KCNIP4: variants seen among roughly 807,000 people sequenced by gnomAD.
The protein encoded by KCNIP4 is potassium voltage-gated channel interacting protein 4.
A neutral mutation model predicts 34.0 loss-of-function variants in KCNIP4; 12 were observed. The observed-to-expected ratio is 0.35, with a 90% confidence interval of 0.23 to 0.57. The LOEUF is 0.57. Among genes scored for constraint, KCNIP4 ranks in the 20% least tolerant of loss-of-function variants. The pLI is 0.83. For missense variants in KCNIP4, 238 were observed against 311.7 expected (o/e 0.76, Z 1.78); for synonymous variants, 124 against 102.2 (o/e 1.21, Z -1.29).
intron 1 of KCNIP4, among the ~76,000 whole-genome samples, chr4:21,772,181 CAT>C (rs1482093879): frequency 1.3e-5 from 2 of 152,064 alleles, no homozygotes; most frequent in East Asian, 3.9e-4. Context: ...TTGAGATAAT[CAT>C]GTGGTTTTTG....
chr4:21,400,567 TCTCTTCTCTTC>T (rs1723461273), intron 1 of KCNIP4, among the ~76,000 whole-genome samples: 1 of 76,700 alleles, frequency 1.3e-5, no homozygotes, highest in Non-Finnish European at 3.1e-5. Flanking sequence ...TCTCTTCTCT[TCTCTTCTCTTC>T]GTTCTTTCTT....
At chr4:21,076,556 A>C (rs1478504312) in intron 1 of KCNIP4, among the ~76,000 whole-genome samples, 1 of 152,186 alleles carries the variant, frequency 6.6e-6, no homozygotes, top group Non-Finnish European at 1.5e-5. Flanking sequence ...ATTATACTCA[A>C]TAAAAATTGT....
At chr4:20,807,164 T>C (rs1001721165) in intron 3 of KCNIP4, among the ~76,000 whole-genome samples, 1 of 152,202 alleles carries the variant, frequency 6.6e-6, no homozygotes, top group African/African-American at 2.4e-5. Context: ...ATGACATTTA[T>C]GACATTTGGC....
chr4:20,930,426 GA>G (rs1730340649), intron 1 of KCNIP4, among the ~76,000 whole-genome samples: 1 of 152,070 alleles, frequency 6.6e-6, no homozygotes, highest in African/African-American at 2.4e-5. Context: ...AACATAGGGG[GA>G]AAAATTCCTT....
In KCNIP4 at chr4:21,747,920, A is replaced by G. The variant is rs148822666; in HGVS notation, c.61+200651T>C. 8.7e-3 allele frequency among the ~76,000 whole-genome samples: 1,327 copies of G among 152,240 alleles called. 19 individuals are homozygous for G. The highest frequency in any genetic ancestry group is 0.039 in the South Asian group (187 of 4,814). On this transcript the variant is annotated intron_variant, in intron 1 of 8. Transcript: ENST00000382152. ...ACGCAAAAAAGGACACACAGAGAAG[A>G]AGCCATGTGGAGTCAGAGGCTAAGG...
At chr4:21,697,348 A>T in intron 1 of KCNIP4, 1 of 1,470,452 alleles carries the variant, frequency 6.8e-7, no homozygotes, top group Non-Finnish European at 8.9e-7. Flanking sequence ...AAAAGTCATT[A>T]CCTGTATGAA....
intron 1 of KCNIP4, among the ~76,000 whole-genome samples, chr4:21,156,660 CTAAG>C (rs1370789719): frequency 2.0e-5 from 3 of 152,244 alleles, no homozygotes; most frequent in African/African-American, 7.2e-5. Flanking sequence ...GCCTAAGACA[CTAAG>C]TAATAGAGCT....
chr4:21,554,979 C>T (rs528205734), intron 1 of KCNIP4, among the ~76,000 whole-genome samples: 3 of 152,176 alleles, frequency 2.0e-5, no homozygotes, highest in South Asian at 4.1e-4. Context: ...TTTAAATAAA[C>T]ATAGACTTTT....
At chr4:21,376,111 G>A (rs1194492648) in intron 1 of KCNIP4, among the ~76,000 whole-genome samples, 1 of 152,158 alleles carries the variant, frequency 6.6e-6, no homozygotes, top group African/African-American at 2.4e-5. Flanking sequence ...GAAAAGCACA[G>A]AAATATCTTC....
chr4:21,044,761 A>T (rs2149784227), intron 1 of KCNIP4, among the ~76,000 whole-genome samples: 1 of 152,162 alleles, frequency 6.6e-6, no homozygotes, highest in Admixed American at 6.5e-5. Flanking sequence ...TCTCATTCCC[A>T]TCTTTCTCTA....
At chr4:21,371,520 T>C (rs1036223544) in intron 1 of KCNIP4, among the ~76,000 whole-genome samples, 1 of 146,914 alleles carries the variant, frequency 6.8e-6, no homozygotes, top group Non-Finnish European at 1.5e-5. Context: ...CCCTAATTTC[T>C]TGCTATCTAA....
intron 1 of KCNIP4, among the ~76,000 whole-genome samples, chr4:20,913,931 G>A (rs934859977): frequency 9.9e-5 from 15 of 152,032 alleles, no homozygotes; most frequent in East Asian, 5.8e-4. Context: ...CAAGGTGGGC[G>A]GATCACCTGA....
intron 1 of KCNIP4, among the ~76,000 whole-genome samples, chr4:20,904,314 T>A (rs1727488741): frequency 7.1e-6 from 1 of 141,814 alleles, no homozygotes; most frequent in Non-Finnish European, 1.6e-5. Flanking sequence ...AAACTATATA[T>A]ATGTATGTGT....
intron 1 of KCNIP4, among the ~76,000 whole-genome samples, chr4:21,277,993 TAA>T (rs1762539910): frequency 6.6e-6 from 1 of 152,150 alleles, no homozygotes; most frequent in Non-Finnish European, 1.5e-5. Context: ...AGTAAAGCTT[TAA>T]AAAATCGGAA....
chr4:21,618,995 G>A (rs1744815293), intron 1 of KCNIP4, among the ~76,000 whole-genome samples: 1 of 151,962 alleles, frequency 6.6e-6, no homozygotes, highest in Non-Finnish European at 1.5e-5. Context: ...ACCAAATAGT[G>A]AGTTACTTGA....
chr4:21,474,540 A>G (rs1418643442), intron 1 of KCNIP4, among the ~76,000 whole-genome samples: 1 of 152,148 alleles, frequency 6.6e-6, no homozygotes, highest in African/African-American at 2.4e-5. Context: ...TCTCCCTTCC[A>G]CAGTGGCTAA....
intron 1 of KCNIP4, among the ~76,000 whole-genome samples, chr4:21,640,155 G>A (rs913101145): frequency 1.3e-5 from 2 of 152,096 alleles, no homozygotes; most frequent in African/African-American, 4.8e-5. Context: ...AATGCCATAG[G>A]ACTGCCCATA....
chr4:21,313,849 G>A (rs1435200585), intron 1 of KCNIP4, among the ~76,000 whole-genome samples: 3 of 152,280 alleles, frequency 2.0e-5, no homozygotes, highest in African/African-American at 7.2e-5. Context: ...CTACGGTATT[G>A]TTTCACAGTT....
At chr4:21,355,592 A>T (rs1362360825) in intron 1 of KCNIP4, among the ~76,000 whole-genome samples, 1 of 152,200 alleles carries the variant, frequency 6.6e-6, no homozygotes, top group Non-Finnish European at 1.5e-5. Flanking sequence ...CCCTCCCAAG[A>T]CTAAACCAGG....
Sources: allele counts gnomAD v4.1 joint callset (sites outside exome capture counted in the v4.1 genomes callset), GRCh38; gene constraint gnomAD v4.1.1; transcripts MANE v1.5; gene names NCBI Gene and HGNC (gene_info 2026-07-23, HGNC 2026-07-21).